The following SLCO1C1 variants were observed in gnomAD, a reference collection of about 807,000 sequenced individuals.
SLCO1C1 encodes OAT-RP-5.
A neutral mutation model predicts 76.4 loss-of-function variants in SLCO1C1; 70 were observed. That is an observed-to-expected ratio of 0.92 (90% CI 0.76 to 1.12). The LOEUF (loss-of-function observed/expected upper bound fraction) is 1.12, where lower values mean the gene tolerates loss of function less well. Among genes scored for constraint, SLCO1C1 ranks in the 50% most tolerant of loss-of-function variants. SLCO1C1 has a pLI of 0.00. For missense variants in SLCO1C1, 912 were observed against 823.8 expected (o/e 1.11, Z -1.31); for synonymous variants, 306 against 286.1 (o/e 1.07, Z -0.70).
intron 14 of SLCO1C1, among the ~76,000 whole-genome samples, chr12:20,751,644 C>T (rs1949312918): frequency 6.6e-6 from 1 of 152,052 alleles, no homozygotes; most frequent in African/African-American, 2.4e-5. Flanking sequence ...CACATTTTTG[C>T]TAAGGCTGTA....
intron 3 of SLCO1C1, among the ~76,000 whole-genome samples, chr12:20,704,718 T>C (rs1946693601): frequency 1.1e-5 from 1 of 90,438 alleles, no homozygotes; most frequent in Admixed American, 9.3e-5. Context: ...GTAAATTAGA[T>C]GATTGCTTAC....
At chr12:20,710,653 A>C (rs1947044971) in intron 4 of SLCO1C1, among the ~76,000 whole-genome samples, 1 of 152,192 alleles carries the variant, frequency 6.6e-6, no homozygotes, top group Non-Finnish European at 1.5e-5. Flanking sequence ...ACTTGGTGCT[A>C]TGCTAGTAAG....
At chr12:20,736,754 A>G (rs1451520600) in intron 10 of SLCO1C1, among the ~76,000 whole-genome samples, 2 of 152,178 alleles carry the variant, frequency 1.3e-5, no homozygotes, top group Admixed American at 1.3e-4. Flanking sequence ...GCATTGAAGT[A>G]GTGTCATAAA....
At chr12:20,723,592 A>G (rs976208669) in intron 9 of SLCO1C1, among the ~76,000 whole-genome samples, 6 of 152,190 alleles carry the variant, frequency 3.9e-5, no homozygotes, top group African/African-American at 1.4e-4. Flanking sequence ...AAAATGCACA[A>G]TGAGATAGGT....
chr12:20,711,545 T>C (rs751989651), intron 5 of SLCO1C1, 35 bp downstream of exon 5: 8 of 1,600,940 alleles, frequency 5.0e-6, no homozygotes, highest in Non-Finnish European at 5.1e-6. Flanking sequence ...TAAACAAGCT[T>C]TTAAAAAAAA....
chr12:20,705,277 G>A (rs1946718677), intron 3 of SLCO1C1, among the ~76,000 whole-genome samples: 1 of 151,778 alleles, frequency 6.6e-6, no homozygotes, highest in African/African-American at 2.4e-5. Flanking sequence ...AGATAAATGG[G>A]CACATTTTAT....
chr12:20,715,501 T>C (rs1413529060), intron 6 of SLCO1C1, among the ~76,000 whole-genome samples: 2 of 152,210 alleles, frequency 1.3e-5, no homozygotes, highest in Non-Finnish European at 2.9e-5. Flanking sequence ...AACATCAGAT[T>C]AAAAGAAAAT....
chr12:20,724,532 TCTC>T (rs936326522), intron 9 of SLCO1C1, among the ~76,000 whole-genome samples: 13 of 146,556 alleles, frequency 8.9e-5, no homozygotes, highest in African/African-American at 2.2e-4. Flanking sequence ...AAAGCTTAAC[TCTC>T]CTATCAGTCA....
intron 12 of SLCO1C1, 104 bp from the exon 13 acceptor site, chr12:20,743,201 G>T: frequency 9.0e-7 from 1 of 1,112,270 alleles, no homozygotes; most frequent in South Asian, 1.5e-5. Flanking sequence ...AATGGCACTT[G>T]AATTCTAACA....
At chr12:20,720,727 G>A (rs1207284752) in intron 7 of SLCO1C1, among the ~76,000 whole-genome samples, 1 of 152,172 alleles carries the variant, frequency 6.6e-6, no homozygotes, top group African/African-American at 2.4e-5. Context: ...GCTGGGCGCG[G>A]TGGCTCATGC....
intron 5 of SLCO1C1, among the ~76,000 whole-genome samples, chr12:20,713,392 T>C (rs1198616574): frequency 6.6e-6 from 1 of 152,206 alleles, no homozygotes; most frequent in African/African-American, 2.4e-5. Context: ...TGTTTTCTTT[T>C]GACAGCACAA....
intron 10 of SLCO1C1, among the ~76,000 whole-genome samples, chr12:20,735,450 C>T (rs1341788643): frequency 6.6e-6 from 1 of 152,172 alleles, no homozygotes; most frequent in East Asian, 1.9e-4. Flanking sequence ...ATGTTCCCTC[C>T]AGCTCCAACC....
intron 9 of SLCO1C1, 130 bp downstream of exon 9, chr12:20,723,384 A>T: frequency 9.0e-7 from 1 of 1,108,320 alleles, no homozygotes; most frequent in Non-Finnish European, 1.3e-6. Context: ...CTCAAAAAGT[A>T]ACAAGAATGT....
intron 9 of SLCO1C1, among the ~76,000 whole-genome samples, chr12:20,724,310 TTA>T (rs1449511449): frequency 1.3e-5 from 2 of 150,930 alleles, no homozygotes; most frequent in East Asian, 3.9e-4. Context: ...TATTTCACTT[TTA>T]TGTCTACATT....
intron 1 of SLCO1C1, among the ~76,000 whole-genome samples, chr12:20,697,872 T>C (rs764213286): frequency 6.6e-6 from 1 of 152,086 alleles, no homozygotes; most frequent in African/African-American, 2.4e-5. Flanking sequence ...CAAGATAATG[T>C]TATTTTTGTC....
In SLCO1C1 at chr12:20,717,648, CTTTTT is replaced by C. The variant is rs534946900; in HGVS notation, c.775+458_775+462del. On this transcript the variant is annotated intron_variant, in intron 7 of 14. Transcript: ENST00000266509. ...GTCTACTGGCAACCAAACAGCCCTT[CTTTTT>C]TTTTTTTTTTTTTTTTTTTTTTTTT... Among the ~76,000 whole-genome samples the C allele has an allele frequency of 2.7e-3, 116 of 42,296 alleles. 1 individual carries two copies. Among genetic ancestry groups the C allele is most frequent in the African/African-American group, 7.6e-3 (113 of 14,818 alleles). 27.7% of individuals were successfully genotyped at this position (42,296 alleles called of 152,430 possible).
intron 9 of SLCO1C1, among the ~76,000 whole-genome samples, chr12:20,724,764 A>T (rs554671413): frequency 5.4e-5 from 8 of 147,668 alleles, no homozygotes; most frequent in Admixed American, 4.1e-4. Flanking sequence ...AATAAACCAC[A>T]GTTTATTCAT....
intron 3 of SLCO1C1, among the ~76,000 whole-genome samples, chr12:20,704,385 A>G (rs1946677922): frequency 6.6e-6 from 1 of 151,672 alleles, no homozygotes; most frequent in Non-Finnish European, 1.5e-5. Flanking sequence ...ATAGGAGAGA[A>G]TTACCTATAA....
chr12:20,747,941 C>G (rs191500946), intron 13 of SLCO1C1, among the ~76,000 whole-genome samples: 9 of 152,286 alleles, frequency 5.9e-5, no homozygotes, highest in African/African-American at 2.2e-4. Flanking sequence ...ACTACTTACC[C>G]AACTAGCTTA....
Sources: gnomAD v4.1 joint callset for allele counts (sites outside exome capture counted in the v4.1 genomes callset) on GRCh38, gnomAD v4.1.1 for gene constraint, MANE v1.5 for transcripts, NCBI Gene and HGNC (gene_info 2026-07-23, HGNC 2026-07-21) for gene names.